DOCK3: variants seen among roughly 807,000 people sequenced by gnomAD.
DOCK3 encodes the protein dedicator of cytokinesis 3, also known as dedicator of cytokinesis protein 3.
In DOCK3, 60 loss-of-function variants were observed where a neutral mutation model predicts 265.6. The ratio of observed to expected loss-of-function variants is 0.23; its 90% CI spans 0.18 to 0.28. The LOEUF (loss-of-function observed/expected upper bound fraction) is 0.28. DOCK3 is among the 10% of genes least tolerant of loss of function. The pLI is 1.00. For missense variants in DOCK3, 1,981 were observed against 2,594.3 expected (o/e 0.76, Z 5.14); for synonymous variants, 881 against 938.0 (o/e 0.94, Z 1.11).
chr3:50,717,882 C>T (rs902114434), intron 1 of DOCK3, among the ~76,000 whole-genome samples: 3 of 152,202 alleles, frequency 2.0e-5, no homozygotes, highest in African/African-American at 7.2e-5. Flanking sequence ...ACTTCAGCCT[C>T]CCAAAGTGCT....
At chr3:50,979,987 A>T (rs919998714) in intron 5 of DOCK3, among the ~76,000 whole-genome samples, 20 of 152,086 alleles carry the variant, frequency 1.3e-4, no homozygotes, top group African/African-American at 4.3e-4. Context: ...GCTTTCTAGT[A>T]CTGTGTTGAA....
At chr3:50,763,473 G>A (rs1576364929) in intron 1 of DOCK3, among the ~76,000 whole-genome samples, 1 of 151,942 alleles carries the variant, frequency 6.6e-6, no homozygotes, top group Admixed American at 6.6e-5. Context: ...AGTAGAGATG[G>A]GGTTTTGCCA....
intron 9 of DOCK3, among the ~76,000 whole-genome samples, chr3:51,091,202 C>T (rs938965243): frequency 6.6e-6 from 1 of 152,100 alleles, no homozygotes; most frequent in Non-Finnish European, 1.5e-5. Context: ...AAAGCTAAAA[C>T]TGTTGCATGT....
intron 23 of DOCK3, among the ~76,000 whole-genome samples, chr3:51,261,788 A>T (rs2079863790): frequency 6.6e-6 from 1 of 152,162 alleles, no homozygotes; most frequent in Non-Finnish European, 1.5e-5. Flanking sequence ...GTGTAAAAAA[A>T]AGCTGACAGG....
intron 13 of DOCK3, among the ~76,000 whole-genome samples, chr3:51,210,277 T>A (rs566887412): frequency 3.3e-5 from 5 of 152,270 alleles, no homozygotes; most frequent in African/African-American, 9.6e-5. Flanking sequence ...TGTGTCTGAT[T>A]TTTGTCTAGA....
At chr3:50,931,717 C>T (rs1368369593) in intron 4 of DOCK3, among the ~76,000 whole-genome samples, 2 of 152,198 alleles carry the variant, frequency 1.3e-5, no homozygotes, top group Admixed American at 1.3e-4. Flanking sequence ...CTCAGCCATG[C>T]TGATCACCAC....
intron 1 of DOCK3, among the ~76,000 whole-genome samples, chr3:50,737,503 A>T (rs1360091493): frequency 1.3e-5 from 2 of 152,196 alleles, no homozygotes; most frequent in African/African-American, 4.8e-5. Flanking sequence ...ATTTGATGTG[A>T]GATTTGGGTG....
chr3:51,106,729 C>A (rs1332769597), intron 9 of DOCK3, among the ~76,000 whole-genome samples: 1 of 152,234 alleles, frequency 6.6e-6, no homozygotes, highest in Non-Finnish European at 1.5e-5. Flanking sequence ...TACCCTGCCC[C>A]CGTGCTAACA....
intron 7 of DOCK3, among the ~76,000 whole-genome samples, chr3:51,087,996 T>C (rs1373550691): frequency 6.6e-6 from 1 of 152,112 alleles, no homozygotes; most frequent in African/African-American, 2.4e-5. Context: ...ATAGAATTAA[T>C]CTAAGTGTTT....
intron 1 of DOCK3, among the ~76,000 whole-genome samples, chr3:50,677,098 T>C (rs1176960417): frequency 2.0e-5 from 3 of 152,206 alleles, no homozygotes; most frequent in Non-Finnish European, 4.4e-5. Context: ...AGAAAAATTG[T>C]TATTCCCTTT....
intron 4 of DOCK3, among the ~76,000 whole-genome samples, chr3:50,897,294 G>T (rs1186537463): frequency 6.6e-6 from 1 of 152,046 alleles, no homozygotes; most frequent in Non-Finnish European, 1.5e-5. Context: ...TCTATTATTG[G>T]TGTATAAGAA....
intron 9 of DOCK3, among the ~76,000 whole-genome samples, chr3:51,109,425 A>C (rs894546952): frequency 6.6e-6 from 1 of 152,172 alleles, no homozygotes; most frequent in East Asian, 1.9e-4. Context: ...AAAGCTAGAA[A>C]GATCTCTAAC....
At chr3:51,367,182 A>G (rs371835430) in intron 49 of DOCK3, among the ~76,000 whole-genome samples, 11 of 152,054 alleles carry the variant, frequency 7.2e-5, no homozygotes, top group Admixed American at 5.2e-4. Flanking sequence ...CCTGTATTGG[A>G]TGCATATATA....
chr3:50,992,007 A>C (rs1286661731), intron 5 of DOCK3, among the ~76,000 whole-genome samples: 1 of 152,212 alleles, frequency 6.6e-6, no homozygotes, highest in Non-Finnish European at 1.5e-5. Context: ...GTAAATAATG[A>C]AATTAAGGTG....
intron 15 of DOCK3, among the ~76,000 whole-genome samples, chr3:51,226,891 C>T (rs2090351772): frequency 6.6e-6 from 1 of 152,312 alleles, no homozygotes; most frequent in South Asian, 2.1e-4. Flanking sequence ...GCTGTCTCCA[C>T]TTTGTAATTT....
intron 27 of DOCK3, among the ~76,000 whole-genome samples, chr3:51,304,877 C>T (rs1279748153): frequency 6.6e-6 from 1 of 152,196 alleles, no homozygotes; most frequent in Admixed American, 6.5e-5. Context: ...CTCTGTGGGA[C>T]CCTCCAACTG....
Position 50,778,768 on chromosome 3 carries a change from G to T in DOCK3, c.121+10G>T. On this transcript the variant is annotated intron_variant, in intron 2 of 52. Coordinates refer to ENST00000266037, the MANE Select transcript of DOCK3 (RefSeq NM_004947.5). ...CTTGAAAAATGTGAAGGTGAGTATG[G>T]ACCTACAAAGCACATAAATTGTGAT... 2 of 1,546,016 alleles carry T rather than the reference G, an allele frequency of 1.3e-6. No homozygotes were observed. The highest frequency in any genetic ancestry group is 1.2e-5 in the South Asian group (1 of 83,686).
intron 10 of DOCK3, among the ~76,000 whole-genome samples, chr3:51,148,101 G>A (rs1483347413): frequency 6.6e-6 from 1 of 152,170 alleles, no homozygotes; most frequent in Non-Finnish European, 1.5e-5. Flanking sequence ...GTGATGATGA[G>A]CATTTTTTCA....
At chr3:51,294,547 A>G (rs140398618) in intron 27 of DOCK3, among the ~76,000 whole-genome samples, 1,888 of 152,094 alleles carry the variant, frequency 0.012, 50 homozygotes, top group African/African-American at 0.041. Flanking sequence ...GCGTGGTGGC[A>G]GGTACCTGTA....
Sources: allele counts gnomAD v4.1 joint callset (sites outside exome capture counted in the v4.1 genomes callset), GRCh38; gene constraint gnomAD v4.1.1; transcripts MANE v1.5; gene names NCBI Gene and HGNC (gene_info 2026-07-23, HGNC 2026-07-21).